The following MYO1D variants were observed in gnomAD, a reference collection of about 807,000 sequenced individuals.
MYO1D encodes unconventional myosin-Id.
In MYO1D, 83 loss-of-function variants were observed where a neutral mutation model predicts 122.0. The ratio of observed to expected loss-of-function variants is 0.68; its 90% CI spans 0.57 to 0.82. The LOEUF is 0.82. Among genes scored for constraint, MYO1D ranks in the 40% least tolerant of loss-of-function variants. The pLI is 0.00. For missense variants in MYO1D, 1,157 were observed against 1,269.5 expected (o/e 0.91, Z 1.35); for synonymous variants, 464 against 446.9 (o/e 1.04, Z -0.48).
At chr17:32,819,457 C>T (rs1039978519) in intron 1 of MYO1D, among the ~76,000 whole-genome samples, 1 of 152,204 alleles carries the variant, frequency 6.6e-6, no homozygotes, top group Non-Finnish European at 1.5e-5. Context: ...CTTCTCAAGG[C>T]TGACTTGCAC....
At position 32,748,952 on chromosome 17, in the gene MYO1D, A is replaced by G. The variant is rs758102899; in HGVS notation, c.1522T>C (p.Tyr508His). Residue 508 changes from tyrosine to histidine, a missense_variant, in exon 12 of 22, where the codon TAT (tyrosine) becomes CAT (histidine). Transcript: ENST00000318217. ...EFDRDFRIRH[Y>H]AGDVVYSVIG... ...GATACTCACACTACATCGCCTGCAT[A>G]ATGTCGAATTCGAAAATCTCGATCA... The G allele has an allele frequency of 6.2e-7, 1 of 1,613,574 alleles. No homozygotes were observed. The highest frequency in any genetic ancestry group is 8.5e-7 in the Non-Finnish European group (1 of 1,179,486).
intron 17 of MYO1D, among the ~76,000 whole-genome samples, chr17:32,657,532 T>A (rs2088494237): frequency 6.6e-6 from 1 of 152,262 alleles, no homozygotes; most frequent in Non-Finnish European, 1.5e-5. Flanking sequence ...CTGGACTAGA[T>A]GGACACAACT....
At chr17:32,844,353 G>GTA (rs1010674290) in intron 1 of MYO1D, among the ~76,000 whole-genome samples, 5 of 144,772 alleles carry the variant, frequency 3.5e-5, no homozygotes, top group African/African-American at 7.6e-5. Flanking sequence ...TATTATATGT[G>GTA]TATATATATT....
At chr17:32,621,728 T>C (rs1211771965) in intron 20 of MYO1D, among the ~76,000 whole-genome samples, 2 of 152,110 alleles carry the variant, frequency 1.3e-5, no homozygotes, top group Admixed American at 6.5e-5. Context: ...TGACCTCCCA[T>C]ATGTTGAAAC....
chr17:32,589,923 T>A (rs954010417), intron 21 of MYO1D, among the ~76,000 whole-genome samples: 2 of 152,232 alleles, frequency 1.3e-5, no homozygotes, highest in East Asian at 3.8e-4. Context: ...TTGCTAGTTC[T>A]TTCTCTGTTC....
chr17:32,694,553 T>A (rs1301329949), intron 16 of MYO1D, among the ~76,000 whole-genome samples: 1 of 151,298 alleles, frequency 6.6e-6, no homozygotes, highest in Non-Finnish European at 1.5e-5. Context: ...TACAAAAAAT[T>A]AGCCGGGCGC....
chr17:32,793,685 A>G (rs950499050), intron 1 of MYO1D, among the ~76,000 whole-genome samples: 4 of 152,222 alleles, frequency 2.6e-5, no homozygotes, highest in Non-Finnish European at 5.9e-5. Flanking sequence ...ACAGCCCATC[A>G]GTGCAGCATA....
At chr17:32,692,790 C>T (rs2089121138) in intron 16 of MYO1D, among the ~76,000 whole-genome samples, 5 of 152,150 alleles carry the variant, frequency 3.3e-5, no homozygotes, top group Admixed American at 3.3e-4. Context: ...AAATCTGAGC[C>T]CTGAGCTTCC....
At chr17:32,760,652 T>C in intron 8 of MYO1D, 25 bp from the exon 9 acceptor site, 1 of 1,585,294 alleles carries the variant, frequency 6.3e-7, no homozygotes, top group South Asian at 1.1e-5. Context: ...GCATCATAAA[T>C]GCTTGCCAAT....
chr17:32,501,998 A>T (rs867949608), intron 21 of MYO1D, among the ~76,000 whole-genome samples: 3 of 152,162 alleles, frequency 2.0e-5, no homozygotes, highest in Non-Finnish European at 4.4e-5. Flanking sequence ...TGATGTCGGA[A>T]TTGAATCGGA....
Position 32,661,658 on chromosome 17 carries a change from A to C in MYO1D, c.2122-2320T>G, listed in dbSNP as rs866564916. 3.8e-3 allele frequency among the ~76,000 whole-genome samples: 541 copies of C among 141,460 alleles called. 4 individuals carry two copies. Among genetic ancestry groups the C allele is most frequent in the African/African-American group, 0.015 (515 of 34,444 alleles). The allele number at this position is 141,460 out of a possible 152,430, so 92.8% of individuals were successfully genotyped here. A position where few individuals can be genotyped will look rare whatever the true frequency, so the allele number is the denominator to read the frequency against. On this transcript the variant is annotated intron_variant, in intron 16 of 21. Coordinates refer to ENST00000318217, the MANE Select transcript of MYO1D (RefSeq NM_015194.3). ...CGATGGAAGTGAGACCCTGTCCCAA[A>C]AAAAAAAAATACCCCCCCAAAAAAC...
chr17:32,829,645 G>A (rs902134753), intron 1 of MYO1D, among the ~76,000 whole-genome samples: 1 of 152,192 alleles, frequency 6.6e-6, no homozygotes, highest in African/African-American at 2.4e-5. Flanking sequence ...AGTAGAGACA[G>A]GGTTTTGCCA....
intron 1 of MYO1D, among the ~76,000 whole-genome samples, chr17:32,784,884 T>C (rs1371448595): frequency 6.6e-6 from 1 of 152,058 alleles, no homozygotes; most frequent in African/African-American, 2.4e-5. Context: ...TAGAAGGCTG[T>C]GTTAAGGAAT....
At position 32,688,136 on chromosome 17, in the gene MYO1D, C is replaced by T. The variant is rs534164914; in HGVS notation, c.2121+23852G>A. Among the ~76,000 whole-genome samples, 4 of 152,302 alleles carry T rather than the reference C, an allele frequency of 2.6e-5. No individual in the cohort carries two copies. The South Asian group carries it at 8.3e-4, about 32-fold the overall frequency. On this transcript the variant is annotated intron_variant, in intron 16 of 21. Coordinates refer to ENST00000318217, the MANE Select transcript of MYO1D (RefSeq NM_015194.3). ...TTGGGAGGAACATTCATATGCGCAA[C>T]ACCTTTCTGGGAGCTGTGCAATCCC...
At chr17:32,643,627 C>T (rs2088239413) in intron 19 of MYO1D, among the ~76,000 whole-genome samples, 1 of 152,158 alleles carries the variant, frequency 6.6e-6, no homozygotes, top group South Asian at 2.1e-4. Flanking sequence ...AGAGATTCAC[C>T]TTCTTCCTGG....
chr17:32,555,859 C>A (rs72813079), intron 21 of MYO1D, among the ~76,000 whole-genome samples: 3,302 of 152,316 alleles, frequency 0.022, 58 homozygotes, highest in Middle Eastern at 0.048. Flanking sequence ...ACCAACTATT[C>A]TTCCTGACTG....
At chr17:32,749,723 T>A (rs543690266) in intron 11 of MYO1D, among the ~76,000 whole-genome samples, 5 of 152,146 alleles carry the variant, frequency 3.3e-5, no homozygotes, top group African/African-American at 1.2e-4. Context: ...CGAGACCCTG[T>A]CTCAAAAACC....
intron 21 of MYO1D, chr17:32,495,843 C>T (rs1336449256): frequency 2.0e-5 from 3 of 152,332 alleles, no homozygotes; most frequent in African/African-American, 7.2e-5. Context: ...AGCCTCCAGT[C>T]AGGACTGGCT....
chr17:32,707,153 T>C (rs772108572), intron 16 of MYO1D, among the ~76,000 whole-genome samples: 3 of 152,116 alleles, frequency 2.0e-5, no homozygotes, highest in Non-Finnish European at 4.4e-5. Flanking sequence ...ATAATATTAA[T>C]GCATATTATA....
Sources: gnomAD v4.1 joint callset for allele counts (sites outside exome capture counted in the v4.1 genomes callset) on GRCh38, gnomAD v4.1.1 for gene constraint, MANE v1.5 for transcripts, NCBI Gene and HGNC (gene_info 2026-07-23, HGNC 2026-07-21) for gene names.